Variants in KIF5C observed in about 807,000 individuals in gnomAD.
The protein encoded by KIF5C is kinesin heavy chain isoform 5C.
KIF5C carries 18 observed loss-of-function variants against 125.2 expected under a neutral mutation model. The ratio of observed to expected loss-of-function variants is 0.14; its 90% CI spans 0.10 to 0.21. KIF5C has a LOEUF of 0.21. Among genes scored for constraint, KIF5C ranks in the 10% least tolerant of loss-of-function variants. The pLI, the probability that KIF5C is intolerant of heterozygous loss-of-function variation, is 1.00. For synonymous variants in KIF5C, 405 were observed against 434.0 expected (o/e 0.93, Z 0.83); for missense variants, 780 against 1,183.8 (o/e 0.66, Z 5.01).
At chr2:148,942,493 C>T (rs1682431387) in intron 6 of KIF5C, among the ~76,000 whole-genome samples, 180 bp from the exon 7 acceptor site, 1 of 152,326 alleles carries the variant, frequency 6.6e-6, no homozygotes, top group East Asian at 1.9e-4. Flanking sequence ...AGGGCTTGCT[C>T]AGACTTCTCT....
intron 10 of KIF5C, among the ~76,000 whole-genome samples, chr2:148,959,771 C>T (rs1207653772): frequency 6.6e-6 from 1 of 152,106 alleles, no homozygotes; most frequent in Non-Finnish European, 1.5e-5. Flanking sequence ...ATGTTACACC[C>T]GTGGGGAAGG....
Position 148,882,074 on chromosome 2 carries a change from G to A in KIF5C, c.126+6331G>A, listed in dbSNP as rs563643756. Among the ~76,000 whole-genome samples the A allele has an allele frequency of 4.6e-5, 7 of 152,246 alleles. No individual in the cohort carries two copies. The South Asian group carries it at 1.4e-3, about 32-fold the overall frequency. On this transcript the variant is annotated intron_variant, in intron 1 of 25. Coordinates refer to ENST00000435030, the MANE Select transcript of KIF5C (RefSeq NM_004522.3). ...CCAAGTTCCTCTTAGTAGGAATTGA[G>A]TGGTTGAGTTTGAGGTTGTTTGTAA...
At chr2:148,948,037 G>C in intron 8 of KIF5C, 2 of 456,500 alleles carry the variant, frequency 4.4e-6, no homozygotes, top group South Asian at 3.1e-5. Context: ...GGTATTTCTA[G>C]TTGGGAATCT....
At chr2:149,009,611 G>A (rs901494497) in intron 23 of KIF5C, among the ~76,000 whole-genome samples, 3 of 152,102 alleles carry the variant, frequency 2.0e-5, no homozygotes, top group Non-Finnish European at 2.9e-5. Context: ...GCAAAAAGGC[G>A]CAGTCTCCTC....
intron 24 of KIF5C, 33 bp from the exon 25 acceptor site, chr2:149,011,537 C>G: frequency 5.6e-6 from 9 of 1,612,310 alleles, no homozygotes; most frequent in Non-Finnish European, 7.6e-6. Context: ...TTCTAAATGT[C>G]TGTTCTCTCT....
At chr2:148,962,185 A>T in intron 11 of KIF5C, 66 bp downstream of exon 11, 2 of 1,489,852 alleles carry the variant, frequency 1.3e-6, no homozygotes, top group Non-Finnish European at 1.8e-6. Flanking sequence ...ATTTTTTTTG[A>T]GACAGAGTCT....
intron 1 of KIF5C, among the ~76,000 whole-genome samples, chr2:148,920,991 G>A (rs577425224): frequency 6.6e-6 from 1 of 152,268 alleles, no homozygotes; most frequent in South Asian, 2.1e-4. Context: ...TCCGGCTGTG[G>A]AAGAGGGTGA....
At position 149,025,671 on chromosome 2, in the gene KIF5C, T is replaced by G. The variant is rs1682668071; in HGVS notation, c.*2601T>G. On this transcript the variant is annotated 3_prime_UTR_variant, in exon 26 of 26. Coordinates refer to ENST00000435030, the MANE Select transcript of KIF5C (RefSeq NM_004522.3). The stretch of plus-strand genomic sequence containing the variant: ...TTCTTGAAAGTTTACTCTTTGATGC[T>G]CTAAGAGAACAGCCAGATGGTTTAT... 1 of 152,240 alleles carries G rather than the reference T, an allele frequency of 6.6e-6. No individual in the cohort carries two copies. Among genetic ancestry groups the G allele is most frequent in the African/African-American group, 2.4e-5 (1 of 41,466 alleles). The allele number at this position is 152,240 out of a possible 1,614,324, so 9.4% of individuals were successfully genotyped here. A position where few individuals can be genotyped will look rare whatever the true frequency, so the allele number is the denominator to read the frequency against.
chr2:148,968,571 TA>T (rs1240348039), intron 11 of KIF5C, among the ~76,000 whole-genome samples: 10 of 152,104 alleles, frequency 6.6e-5, no homozygotes, highest in Admixed American at 4.6e-4. Flanking sequence ...GTAATAGAAA[TA>T]CCGTCTGTCT....
chr2:148,973,308 C>T (rs746632635), intron 11 of KIF5C, 28 bp from the exon 12 acceptor site: 4 of 1,594,552 alleles, frequency 2.5e-6, no homozygotes, highest in Non-Finnish European at 2.6e-6. Context: ...TTCTTTAATC[C>T]CCAACTCTGC....
rs1467114015 is a variant in KIF5C at position 148,949,875 on chromosome 2, G to A, written c.751G>A (p.Glu251Lys). Reference sequence around the variant, plus strand: ...TGGTGCCGAGGGAGCTGTTCTTGACGAAGCTAAAAATATCAATAAGTCTTT... The same window carrying A: ...TGGTGCCGAGGGAGCTGTTCTTGACAAAGCTAAAAATATCAATAAGTCTTT... ...KTGAEGAVLD[E>K]AKNINKSLSA... The change falls in exon 9 of 26, where the codon GAA (glutamate) becomes AAA (lysine). Residue 251 changes from glutamate to lysine, a missense_variant. Physicochemically the swap from Glu to Lys is moderately conservative, Grantham distance 56 (BLOSUM62 1). Around this residue, in one of 2 missense-constraint regions of KIF5C, gnomAD observed 207 missense variants for 441.2 expected, o/e 0.47. Transcript: ENST00000435030. 1 of 1,613,818 alleles carries A rather than the reference G, an allele frequency of 6.2e-7. No individual in the cohort carries two copies. Among genetic ancestry groups the A allele is most frequent in the Admixed American group, 1.7e-5 (1 of 60,008 alleles).
At chr2:148,927,925 C>A (rs1433679657) in intron 2 of KIF5C, among the ~76,000 whole-genome samples, 1 of 151,978 alleles carries the variant, frequency 6.6e-6, no homozygotes, top group East Asian at 1.9e-4. Flanking sequence ...CTCCCACCAA[C>A]CCCCAATATA....
At chr2:148,931,868 T>A (rs1419996160) in intron 3 of KIF5C, among the ~76,000 whole-genome samples, 1 of 152,154 alleles carries the variant, frequency 6.6e-6, no homozygotes, top group South Asian at 2.1e-4. Context: ...TTCATCTTTG[T>A]CAGTTTTAAA....
At chr2:148,980,532 A>T (rs1681201914) in intron 13 of KIF5C, among the ~76,000 whole-genome samples, 1 of 152,152 alleles carries the variant, frequency 6.6e-6, no homozygotes, top group African/African-American at 2.4e-5. Context: ...GGATGTTAAA[A>T]AAAAGGTGAC....
intron 15 of KIF5C, among the ~76,000 whole-genome samples, chr2:148,989,448 G>A (rs73009544): frequency 0.012 from 1,830 of 152,140 alleles, 36 homozygotes; most frequent in African/African-American, 0.041. Context: ...TTGTGCTGCC[G>A]TAAACATGCA....
At chr2:149,005,286 G>A (rs1039584088) in intron 21 of KIF5C, 107 bp from the exon 22 acceptor site, 8 of 1,521,344 alleles carry the variant, frequency 5.3e-6, no homozygotes, top group Admixed American at 2.0e-5. Flanking sequence ...GTGCACCAGC[G>A]GCGTCCATGG....
chr2:149,018,845 CAA>C (rs910753313), intron 25 of KIF5C, among the ~76,000 whole-genome samples: 2 of 150,250 alleles, frequency 1.3e-5, no homozygotes, highest in East Asian at 3.9e-4. Flanking sequence ...AAAAAACAAA[CAA>C]AAAAGGATCA....
intron 1 of KIF5C, among the ~76,000 whole-genome samples, chr2:148,899,300 G>A (rs567810881): frequency 3.3e-4 from 51 of 152,244 alleles, no homozygotes; most frequent in African/African-American, 1.1e-3. Context: ...CATTGGCAAT[G>A]TCAGCTTTTG....
intron 25 of KIF5C, among the ~76,000 whole-genome samples, chr2:149,012,711 A>G (rs958740353): frequency 6.6e-6 from 1 of 152,238 alleles, no homozygotes; most frequent in African/African-American, 2.4e-5. Context: ...GGCTGGTCAG[A>G]GTAGTGGGAA....
Sources: allele counts gnomAD v4.1 joint callset (sites outside exome capture counted in the v4.1 genomes callset), GRCh38; gene constraint gnomAD v4.1.1; regional missense constraint gnomAD v4.1.1; transcripts MANE v1.5; gene names NCBI Gene and HGNC (gene_info 2026-07-23, HGNC 2026-07-21).